Variants in RANBP2 observed in about 807,000 individuals in gnomAD.
RANBP2 encodes the protein RAN binding protein 2, also known as E3 SUMO-protein ligase RanBP2.
Under a neutral mutation model 303.6 loss-of-function variants are expected in RANBP2, and 57 were observed. That is an observed-to-expected ratio of 0.19 (90% confidence interval 0.15 to 0.23). The LOEUF is 0.23. RANBP2 is among the 10% of genes least tolerant of loss of function. The pLI, the probability that RANBP2 is intolerant of heterozygous loss-of-function variation, is 1.00. For missense variants in RANBP2, 3,138 were observed against 3,780.8 expected (o/e 0.83, Z 4.46); for synonymous variants, 1,167 against 1,301.5 (o/e 0.90, Z 2.23).
chr2:109,526,719 T>C, the RANBP2 span, among the ~76,000 whole-genome samples: 11 of 152,282 alleles, frequency 7.2e-5, no homozygotes, highest in African/African-American at 2.6e-4. Context: ...GGCTCACCGA[T>C]GACAGCTGCA....
chr2:109,201,023 G>A, the RANBP2 span, among the ~76,000 whole-genome samples: 1 of 152,130 alleles, frequency 6.6e-6, no homozygotes. Flanking sequence ...AGTGGCTGTG[G>A]GGACCTGGGT....
At chr2:108,892,418 G>A in the RANBP2 span, among the ~76,000 whole-genome samples, 1 of 152,132 alleles carries the variant, frequency 6.6e-6, no homozygotes, top group African/African-American at 2.4e-5. Context: ...CTTAGCCCTG[G>A]CTGTGGAAGT....
the RANBP2 span, chr2:109,436,858 C>G: frequency 6.2e-7 from 1 of 1,604,096 alleles, no homozygotes; most frequent in Non-Finnish European, 8.5e-7. Flanking sequence ...GCCTCTGAGC[C>G]TCTCATCAGA....
chr2:108,738,266 G>C (rs373840584), intron 6 of RANBP2, among the ~76,000 whole-genome samples: 3 of 151,054 alleles, frequency 2.0e-5, no homozygotes, highest in Non-Finnish European at 4.4e-5. Context: ...TAGTAGAGAT[G>C]GGGTTTCACC....
chr2:109,130,017 C>T, the RANBP2 span: 38 of 1,313,422 alleles, frequency 2.9e-5, no homozygotes, highest in African/African-American at 4.6e-5. Flanking sequence ...CGGCAGGCAG[C>T]ACCCCGGGTT....
chr2:109,505,858 G>A, the RANBP2 span, among the ~76,000 whole-genome samples: 1 of 152,170 alleles, frequency 6.6e-6, no homozygotes, highest in African/African-American at 2.4e-5. Context: ...AGTGTAGGAA[G>A]AGGAGAGCCA....
chr2:108,917,371 A>T, the RANBP2 span, among the ~76,000 whole-genome samples: 1 of 152,120 alleles, frequency 6.6e-6, no homozygotes, highest in Non-Finnish European at 1.5e-5. Context: ...AGCGGACAAT[A>T]ATGCATTGTA....
the RANBP2 span, among the ~76,000 whole-genome samples, chr2:109,603,212 T>A: frequency 2.6e-5 from 4 of 152,048 alleles, no homozygotes; most frequent in Admixed American, 2.6e-4. Flanking sequence ...CAAATGTACA[T>A]AATGTTATTA....
chr2:108,904,610 G>A, the RANBP2 span, among the ~76,000 whole-genome samples: 2 of 152,284 alleles, frequency 1.3e-5, no homozygotes, highest in South Asian at 2.1e-4. Flanking sequence ...GTCCATTTAT[G>A]CCACAGACTA....
chr2:109,297,432 C>T, the RANBP2 span, among the ~76,000 whole-genome samples: 1 of 152,208 alleles, frequency 6.6e-6, no homozygotes. Context: ...CCTGTGTACC[C>T]ACCCTGGGCA....
the RANBP2 span, among the ~76,000 whole-genome samples, chr2:109,587,652 G>A: frequency 2.0e-5 from 3 of 152,092 alleles, no homozygotes; most frequent in East Asian, 1.9e-4. Flanking sequence ...GGTGGCTCAC[G>A]CCTGTAATCC....
At chr2:109,213,467 T>C in the RANBP2 span, among the ~76,000 whole-genome samples, 1 of 152,182 alleles carries the variant, frequency 6.6e-6, no homozygotes, top group East Asian at 1.9e-4. Context: ...TATATCTCAC[T>C]GGTGAGGACG....
At chr2:109,473,522 A>G in the RANBP2 span, among the ~76,000 whole-genome samples, 3 of 152,346 alleles carry the variant, frequency 2.0e-5, no homozygotes, top group Non-Finnish European at 4.4e-5. Flanking sequence ...GAGCCATGCC[A>G]GGGTTAGAGC....
the RANBP2 span, among the ~76,000 whole-genome samples, chr2:109,633,399 C>CAAAAA: frequency 4.4e-5 from 4 of 91,630 alleles, no homozygotes; most frequent in South Asian, 1.7e-3. Flanking sequence ...TCTCAAAAAA[C>CAAAAA]AAAACAAAAC....
At chr2:109,188,744 C>CT in the RANBP2 span, among the ~76,000 whole-genome samples, 7 of 152,314 alleles carry the variant, frequency 4.6e-5, no homozygotes, top group African/African-American at 1.7e-4. Context: ...CTTTGAGACT[C>CT]TGAGAGACAC....
At chr2:109,316,279 G>T in the RANBP2 span, among the ~76,000 whole-genome samples, 8 of 152,112 alleles carry the variant, frequency 5.3e-5, no homozygotes, top group African/African-American at 1.9e-4. Flanking sequence ...TGTGGGCCTC[G>T]GTCCAGGAGG....
the RANBP2 span, among the ~76,000 whole-genome samples, chr2:109,516,354 A>G: frequency 6.6e-6 from 1 of 152,350 alleles, no homozygotes; most frequent in East Asian, 1.9e-4. Context: ...AAATGTGGCC[A>G]TGACGGGACA....
chr2:109,024,514 G>C, the RANBP2 span, among the ~76,000 whole-genome samples: 1 of 152,226 alleles, frequency 6.6e-6, no homozygotes. Context: ...AATTACAGCA[G>C]TGAGGGGGTT....
At chr2:108,792,409 T>G in the RANBP2 span, among the ~76,000 whole-genome samples, 1 of 152,246 alleles carries the variant, frequency 6.6e-6, no homozygotes, top group Non-Finnish European at 1.5e-5. Flanking sequence ...TGGTCGATTT[T>G]CCCAGTGGAA....
Sources: gnomAD v4.1 joint callset for allele counts (sites outside exome capture counted in the v4.1 genomes callset) on GRCh38, gnomAD v4.1.1 for gene constraint, MANE v1.5 for transcripts, NCBI Gene and HGNC (gene_info 2026-07-23, HGNC 2026-07-21) for gene names.